Variants in TRPM2 observed in about 807,000 individuals in gnomAD.
TRPM2 encodes the protein transient receptor potential cation channel subfamily M member 2.
TRPM2 carries 161 observed loss-of-function variants against 174.0 expected under a neutral mutation model. That is an observed-to-expected ratio of 0.93 (90% confidence interval 0.81 to 1.05). TRPM2 has a LOEUF of 1.05. TRPM2 is among the 50% of genes least tolerant of loss of function. The pLI is 0.00. For synonymous variants in TRPM2, 954 were observed against 861.3 expected (o/e 1.11, Z -1.88); for missense variants, 2,057 against 2,038.0 (o/e 1.01, Z -0.18).
In TRPM2 at chr21:44,424,855, G is replaced by A. The variant is rs980058253; in HGVS notation, c.3553G>A (p.Ala1185Thr). Residue 1185 changes from alanine to threonine, a missense_variant, in exon 24 of 32, where the codon GCC becomes ACC. By Grantham distance (58) the Ala-to-Thr change is moderately conservative. Transcript: ENST00000397928. ...TGTCTCGGGCCATGCCTTCCAGGTG[G>A]CCCAGACAGCCCAAGCCCTGCACTG... ...QRLASLEEQVAQTAQALHWIV... is the reference protein window; with the variant it reads ...QRLASLEEQVTQTAQALHWIV... 6.9e-6 allele frequency: 11 copies of A among 1,596,332 alleles called. No homozygotes were observed. In the East Asian group the frequency reaches 2.3e-4, roughly 33 times the overall value.
intron 22 of TRPM2, chr21:44,422,448 A>G: frequency 6.5e-7 from 1 of 1,534,226 alleles, no homozygotes; most frequent in Non-Finnish European, 8.7e-7. Flanking sequence ...TGTGGGATTA[A>G]GCAAAATGAA....
intron 19 of TRPM2, among the ~76,000 whole-genome samples, chr21:44,407,807 C>A (rs1267011976): frequency 2.0e-5 from 3 of 151,836 alleles, no homozygotes; most frequent in African/African-American, 7.3e-5. Context: ...TGTGTGGACA[C>A]ACCACATTTT....
chr21:44,356,376 C>G (rs1455140297), intron 2 of TRPM2, among the ~76,000 whole-genome samples: 1 of 151,336 alleles, frequency 6.6e-6, no homozygotes, highest in Non-Finnish European at 1.5e-5. Context: ...AAAGGGGTCC[C>G]GATCCAGACC....
Position 44,442,039 on chromosome 21 carries a change from C to A in TRPM2, c.*222C>A. 1.7e-6 allele frequency: 1 copy of A among 602,522 alleles called. No individual in the cohort carries two copies. 37.3% of individuals were successfully genotyped at this position (602,522 alleles called of 1,614,324 possible). A position where few individuals can be genotyped will look rare whatever the true frequency, so the allele number is the denominator to read the frequency against. On this transcript the variant is annotated 3_prime_UTR_variant, in exon 32 of 32. Coordinates refer to ENST00000397928, the MANE Select transcript of TRPM2 (RefSeq NM_003307.4). ...CGGGAGGAGAGCTCAAGACAGGGCA[C>A]AGGCTACTCAGAGCTGAGGGGCCCC...
intron 19 of TRPM2, among the ~76,000 whole-genome samples, chr21:44,409,323 C>G (rs1344604848): frequency 6.6e-6 from 1 of 152,188 alleles, no homozygotes; most frequent in Admixed American, 6.6e-5. Flanking sequence ...TGTCCCAGCA[C>G]TATTTGTTGA....
At chr21:44,430,094 T>C (rs893267737) in intron 27 of TRPM2, among the ~76,000 whole-genome samples, 7 of 152,214 alleles carry the variant, frequency 4.6e-5, no homozygotes, top group African/African-American at 1.4e-4. Flanking sequence ...TGTTGAGCCA[T>C]CCTTGCATTC....
chr21:44,440,210 A>G (rs1379496587), intron 30 of TRPM2, among the ~76,000 whole-genome samples: 3 of 145,158 alleles, frequency 2.1e-5, no homozygotes, highest in Admixed American at 7.1e-5. Flanking sequence ...GATGGCGCAC[A>G]CCTGTAATCT....
intron 16 of TRPM2, 152 bp from the exon 17 acceptor site, chr21:44,404,990 T>C (rs12483675): frequency 1.5e-6 from 1 of 645,918 alleles, no homozygotes; most frequent in South Asian, 1.7e-5. Flanking sequence ...ATGACAGTGA[T>C]GGTGACAGCA....
At chr21:44,361,412 G>C (rs4818714) in intron 2 of TRPM2, among the ~76,000 whole-genome samples, 38,562 of 152,006 alleles carry the variant, frequency 0.25, 5,433 homozygotes, top group African/African-American at 0.39. Flanking sequence ...CACACTCGGC[G>C]TTGTGTCAAC....
intron 4 of TRPM2, 87 bp from the exon 5 acceptor site, chr21:44,369,090 G>A (rs1019529722): frequency 8.8e-6 from 12 of 1,369,640 alleles, no homozygotes; most frequent in Non-Finnish European, 1.2e-5. Context: ...GGGCATCGCT[G>A]AGCCTAGAAG....
chr21:44,382,864 C>T (rs775969516), intron 9 of TRPM2, 44 bp downstream of exon 9: 26 of 1,549,244 alleles, frequency 1.7e-5, no homozygotes, highest in African/African-American at 8.1e-5. Context: ...GAGGCCAGAA[C>T]GTGAGCTCTG....
intron 9 of TRPM2, among the ~76,000 whole-genome samples, chr21:44,384,292 C>A (rs905178123): frequency 1.3e-5 from 2 of 152,196 alleles, no homozygotes; most frequent in African/African-American, 4.8e-5. Context: ...AGACTAAGTA[C>A]TTTATAAACT....
chr21:44,410,981 C>G (rs2050091048), intron 19 of TRPM2, among the ~76,000 whole-genome samples: 1 of 150,670 alleles, frequency 6.6e-6, no homozygotes, highest in Admixed American at 6.6e-5. Context: ...TTTGACCACA[C>G]TGTCTTGGTG....
In TRPM2 at chr21:44,406,604, T is replaced by G. The variant is rs138644049; in HGVS notation, c.2801T>G (p.Val934Gly). Residue 934 changes from valine to glycine, a missense_variant, in exon 19 of 32, where the codon GTC becomes GGC. By Grantham distance (109) the Val-to-Gly change is moderately radical. Coordinates refer to ENST00000397928, the MANE Select transcript of TRPM2 (RefSeq NM_003307.4). ...IIIVKRMMKD[V>G]FFFLFLLAVW... ...CTCTCTGTCCTGCAGATGAAGGACG[T>G]CTTCTTCTTCCTCTTCCTGCTGGCT... 3.9e-5 allele frequency: 62 copies of G among 1,608,904 alleles called. No individual in the cohort carries two copies. The highest frequency in any genetic ancestry group is 5.3e-5 in the African/African-American group (4 of 74,800).
At chr21:44,400,415 C>T in intron 15 of TRPM2, 44 bp downstream of exon 15, 2 of 1,550,176 alleles carry the variant, frequency 1.3e-6, no homozygotes, top group Non-Finnish European at 1.8e-6. Context: ...GGCTGCGGGG[C>T]TGCGGGAGAG....
At position 44,426,727 on chromosome 21, in the gene TRPM2, C is replaced by G; in HGVS notation, c.3863C>G (p.Pro1288Arg). 6 of 1,614,066 alleles carry G rather than the reference C, an allele frequency of 3.7e-6. No homozygotes were observed. The highest frequency in any genetic ancestry group is 5.1e-6 in the Non-Finnish European group (6 of 1,180,000). Reference sequence around the variant, plus strand: ...AGGAAGGACGCGGCCGCCATGGACCCCATGGGAGAGTGAGTATGAGCCGCT... The same window carrying G: ...AGGAAGGACGCGGCCGCCATGGACCGCATGGGAGAGTGAGTATGAGCCGCT... ...AERKDAAAMD[P>R]MGDTLEPLST... The change falls in exon 26 of 32, where the codon CCC (proline) becomes CGC (arginine). Residue 1288 changes from proline (P) to arginine (R), a missense_variant. Physicochemically the swap from Pro to Arg is moderately radical, Grantham distance 103 (BLOSUM62 -2). Transcript: ENST00000397928.
chr21:44,401,047 G>T (rs540207485), intron 15 of TRPM2, among the ~76,000 whole-genome samples: 8 of 152,272 alleles, frequency 5.3e-5, no homozygotes, highest in African/African-American at 1.9e-4. Flanking sequence ...GGCCAGGATG[G>T]GTACTTGAGT....
chr21:44,377,808 G>A, intron 7 of TRPM2, 35 bp downstream of exon 7: 1 of 1,611,226 alleles, frequency 6.2e-7, no homozygotes, highest in Non-Finnish European at 8.5e-7. Flanking sequence ...GCATGTGTGG[G>A]CCCGTCCTGC....
intron 19 of TRPM2, among the ~76,000 whole-genome samples, 182 bp from the exon 20 acceptor site, chr21:44,413,709 G>A (rs1337732848): frequency 6.6e-6 from 1 of 152,186 alleles, no homozygotes; most frequent in African/African-American, 2.4e-5. Flanking sequence ...GCATCTGGCT[G>A]GAGACAGATG....
Sources: allele counts gnomAD v4.1 joint callset (sites outside exome capture counted in the v4.1 genomes callset), GRCh38; gene constraint gnomAD v4.1.1; transcripts MANE v1.5; gene names NCBI Gene and HGNC (gene_info 2026-07-23, HGNC 2026-07-21).